TMEM132D: variants seen among roughly 807,000 people sequenced by gnomAD.
TMEM132D encodes the protein mature OL transmembrane protein.
TMEM132D carries 21 observed loss-of-function variants against 62.3 expected under a neutral mutation model. That is an observed-to-expected ratio of 0.34 (90% CI 0.24 to 0.49). The LOEUF (loss-of-function observed/expected upper bound fraction) is 0.49, where lower values mean the gene tolerates loss of function less well. TMEM132D is among the 20% of genes least tolerant of loss of function. TMEM132D has a pLI of 0.99. For missense variants in TMEM132D, 1,346 were observed against 1,402.8 expected (o/e 0.96, Z 0.65); for synonymous variants, 621 against 575.6 (o/e 1.08, Z -1.13).
intron 5 of TMEM132D, among the ~76,000 whole-genome samples, chr12:129,129,457 G>A (rs1324413584): frequency 6.6e-6 from 1 of 152,184 alleles, no homozygotes; most frequent in East Asian, 1.9e-4. Context: ...ACATGAGAGT[G>A]CATATGTCAT....
intron 4 of TMEM132D, among the ~76,000 whole-genome samples, chr12:129,254,106 C>T (rs1350093579): frequency 6.6e-6 from 1 of 152,124 alleles, no homozygotes; most frequent in Non-Finnish European, 1.5e-5. Flanking sequence ...TGCCTAAATA[C>T]ACGTATCCTC....
chr12:129,660,175 G>A (rs907511737), intron 2 of TMEM132D, among the ~76,000 whole-genome samples: 2 of 151,988 alleles, frequency 1.3e-5, no homozygotes, highest in Non-Finnish European at 2.9e-5. Context: ...GAGAGAGAGA[G>A]GCTCAAATTA....
In TMEM132D at chr12:129,462,665, T is replaced by A. The variant is rs12322230; in HGVS notation, c.1115+68394A>T. On this transcript the variant is annotated intron_variant, in intron 3 of 8. Transcript: ENST00000422113. ...TTCACAATGGCACTAAATATTCCTC[T>A]TTGTTATACAGAAATTGCTTGCACA... Among the ~76,000 whole-genome samples, 895 of 152,336 alleles carry A rather than the reference T, an allele frequency of 5.9e-3. 12 individuals carry two copies. Among genetic ancestry groups the A allele is most frequent in the African/African-American group, 0.021 (862 of 41,570 alleles).
intron 1 of TMEM132D, among the ~76,000 whole-genome samples, chr12:129,851,995 G>A (rs1383578223): frequency 1.3e-5 from 2 of 152,122 alleles, no homozygotes; most frequent in Non-Finnish European, 2.9e-5. Context: ...ACAAGAACAG[G>A]TGGCAGGCTG....
Position 129,782,749 on chromosome 12 carries a change from T to G in TMEM132D, c.80-82051A>C, listed in dbSNP as rs558156109. ...GTCACACAGGTGTATTCCTGATAAA[T>G]CCAGGTGAGTCACACAGGTGTATTT... On this transcript the variant is annotated intron_variant, in intron 1 of 8. Transcript: ENST00000422113. Among the ~76,000 whole-genome samples, 8 of 152,004 alleles carry G rather than the reference T, an allele frequency of 5.3e-5. No individual in the cohort carries two copies. In the East Asian group the frequency reaches 5.8e-4, roughly 11 times the overall value.
intron 1 of TMEM132D, among the ~76,000 whole-genome samples, chr12:129,824,012 A>G (rs1220208257): frequency 6.6e-6 from 1 of 152,110 alleles, no homozygotes. Context: ...ATCCCATCCT[A>G]TGACAGCCCT....
intron 5 of TMEM132D, among the ~76,000 whole-genome samples, chr12:129,128,426 G>A (rs577203682): frequency 2.2e-4 from 34 of 152,122 alleles, no homozygotes; most frequent in Non-Finnish European, 4.7e-4. Flanking sequence ...CTTACACGGT[G>A]GCAGGAGCGA....
chr12:129,886,428 C>T (rs1874750196), intron 1 of TMEM132D, among the ~76,000 whole-genome samples: 1 of 152,122 alleles, frequency 6.6e-6, no homozygotes, highest in South Asian at 2.1e-4. Flanking sequence ...ATAAAATATA[C>T]AGAATATCAG....
At chr12:129,145,455 G>A (rs1319804197) in intron 5 of TMEM132D, among the ~76,000 whole-genome samples, 1 of 152,034 alleles carries the variant, frequency 6.6e-6, no homozygotes, top group African/African-American at 2.4e-5. Context: ...GAGAGGCCAC[G>A]GACTTCTGTC....
intron 2 of TMEM132D, among the ~76,000 whole-genome samples, chr12:129,676,843 A>G (rs1206611541): frequency 2.0e-5 from 3 of 152,006 alleles, no homozygotes; most frequent in Non-Finnish European, 4.4e-5. Flanking sequence ...TACCTAATCT[A>G]TCTTTCTATG....
intron 5 of TMEM132D, among the ~76,000 whole-genome samples, chr12:129,138,806 T>C (rs1198264566): frequency 6.6e-6 from 1 of 152,180 alleles, no homozygotes; most frequent in African/African-American, 2.4e-5. Context: ...TAGGATTTCC[T>C]CACATTGCCA....
intron 2 of TMEM132D, among the ~76,000 whole-genome samples, chr12:129,621,844 G>C (rs1763716616): frequency 6.6e-6 from 1 of 152,190 alleles, no homozygotes; most frequent in African/African-American, 2.4e-5. Flanking sequence ...TCTGGGACTA[G>C]AGCCCCAGTG....
intron 1 of TMEM132D, among the ~76,000 whole-genome samples, chr12:129,897,918 C>T (rs181471321): frequency 2.0e-4 from 31 of 152,280 alleles, no homozygotes; most frequent in Non-Finnish European, 2.9e-5. Context: ...ATATAATTAT[C>T]AGAAGTCAGC....
chr12:129,372,628 A>G (rs1870648720), intron 3 of TMEM132D, among the ~76,000 whole-genome samples: 1 of 152,022 alleles, frequency 6.6e-6, no homozygotes, highest in African/African-American at 2.4e-5. Context: ...TGTTGTTTGC[A>G]CTACAGGGAT....
intron 5 of TMEM132D, 60 bp from the exon 6 acceptor site, chr12:129,084,762 C>G (rs764778228): frequency 1.9e-6 from 3 of 1,546,330 alleles, no homozygotes; most frequent in South Asian, 1.2e-5. Context: ...CGTTGCATGG[C>G]CCAAGGAGGA....
intron 5 of TMEM132D, among the ~76,000 whole-genome samples, chr12:129,091,051 G>T (rs892647312): frequency 6.6e-6 from 1 of 152,220 alleles, no homozygotes; most frequent in Non-Finnish European, 1.5e-5. Flanking sequence ...TGAAAGGGAA[G>T]AAAATTCCTG....
At chr12:129,840,586 G>A (rs949317540) in intron 1 of TMEM132D, 1 of 152,034 alleles carries the variant, frequency 6.6e-6, no homozygotes, top group Non-Finnish European at 1.5e-5. Flanking sequence ...TTATGTCTCC[G>A]AGAAGGCACA....
At chr12:129,272,038 A>G (rs1383564371) in intron 4 of TMEM132D, among the ~76,000 whole-genome samples, 1 of 151,880 alleles carries the variant, frequency 6.6e-6, no homozygotes, top group East Asian at 1.9e-4. Context: ...ACAGTGTAAA[A>G]GTGTTCCTAT....
intron 5 of TMEM132D, among the ~76,000 whole-genome samples, chr12:129,159,853 G>A (rs1300316129): frequency 6.6e-6 from 1 of 151,916 alleles, no homozygotes; most frequent in Non-Finnish European, 1.5e-5. Flanking sequence ...GAGGGAGGCT[G>A]CCTCCTCCAC....
Sources: gnomAD v4.1 joint callset for allele counts (sites outside exome capture counted in the v4.1 genomes callset) on GRCh38, gnomAD v4.1.1 for gene constraint, MANE v1.5 for transcripts, NCBI Gene and HGNC (gene_info 2026-07-23, HGNC 2026-07-21) for gene names.